The following FKBP15 variants were observed in gnomAD, a reference collection of about 807,000 sequenced individuals.
The protein encoded by FKBP15 is FKBP prolyl isomerase family member 15.
Under a neutral mutation model 158.1 loss-of-function variants are expected in FKBP15, and 106 were observed. The observed-to-expected ratio is 0.67, with a 90% CI of 0.57 to 0.79. The LOEUF (loss-of-function observed/expected upper bound fraction) is 0.79, where lower values mean the gene tolerates loss of function less well. FKBP15 is among the 30% of genes least tolerant of loss of function. The pLI, the probability that FKBP15 is intolerant of heterozygous loss-of-function variation, is 0.00. For synonymous variants in FKBP15, 547 were observed against 548.6 expected (o/e 1.00, Z 0.04); for missense variants, 1,287 against 1,479.1 (o/e 0.87, Z 2.13).
At chr9:113,166,463 T>G (rs554790704) in intron 27 of FKBP15, among the ~76,000 whole-genome samples, 2 of 152,352 alleles carry the variant, frequency 1.3e-5, no homozygotes, top group South Asian at 4.1e-4. Context: ...TTACACATTT[T>G]GTGTGGAGAA....
At chr9:113,187,692 TG>T in intron 14 of FKBP15, 100 bp downstream of exon 14, 1 of 934,654 alleles carries the variant, frequency 1.1e-6, no homozygotes, top group Non-Finnish European at 1.6e-6. Context: ...ACTCTGACTT[TG>T]GGGAACTGCT....
Position 113,161,253 on chromosome 9 carries a change from T to G in FKBP15, c.*4825A>C. On this transcript the variant is annotated 3_prime_UTR_variant, in exon 28 of 28. Transcript: ENST00000238256. ...AGATTTGTGCAGCCTGCTGGGGGAG[T>G]GGGTGGGGTAATGGTACGTGGCTTC... is the stretch of plus-strand genomic sequence containing the variant. 3 of 466,570 alleles carry G rather than the reference T, an allele frequency of 6.4e-6. No homozygotes were observed. Among genetic ancestry groups the G allele is most frequent in the Non-Finnish European group, 7.6e-6 (2 of 263,446 alleles). 28.9% of individuals were successfully genotyped at this position (466,570 alleles called of 1,614,324 possible). A position where few individuals can be genotyped will look rare whatever the true frequency, so the allele number is the denominator to read the frequency against.
At chr9:113,215,075 C>A (rs577236410) in intron 1 of FKBP15, among the ~76,000 whole-genome samples, 14 of 152,350 alleles carry the variant, frequency 9.2e-5, no homozygotes, top group African/African-American at 2.9e-4. Flanking sequence ...TCCATGTCAG[C>A]AATAAGGCTG....
chr9:113,208,419 T>G (rs1396259383), intron 2 of FKBP15, among the ~76,000 whole-genome samples: 2 of 152,200 alleles, frequency 1.3e-5, no homozygotes, highest in African/African-American at 4.8e-5. Context: ...GTAAATCACA[T>G]TTATACTCAC....
chr9:113,187,761 AG>A, intron 14 of FKBP15, 31 bp downstream of exon 14: 1 of 1,513,218 alleles, frequency 6.6e-7, no homozygotes, highest in Non-Finnish European at 9.2e-7. Flanking sequence ...AGCAAATTAT[AG>A]GATATAATTA....
chr9:113,188,156 T>G (rs1391772862), intron 13 of FKBP15, among the ~76,000 whole-genome samples: 3 of 152,054 alleles, frequency 2.0e-5, no homozygotes, highest in Non-Finnish European at 4.4e-5. Context: ...AATAGCTGAG[T>G]GCAGATTTCC....
rs372497037 is a variant in FKBP15, at chr9:113,184,794, A to G, written c.1509T>C (p.Asp503=). 1.4e-4 allele frequency: 220 copies of G among 1,596,166 alleles called. No individual in the cohort carries two copies. Among genetic ancestry groups the G allele is most frequent in the Non-Finnish European group, 1.8e-4 (216 of 1,170,868 alleles). Residue 503 remains aspartate (D), a synonymous_variant, in exon 16 of 28, where the codon GAT becomes GAC. Coordinates refer to ENST00000238256, the MANE Select transcript of FKBP15 (RefSeq NM_015258.2). This position sits in a 1 kb window ranked among gnomAD's most constrained non-coding sequence, Gnocchi z 4.5. ...CTTCAGTCATGAGAAATGAAGCCAT[A>G]TCACCTGATCCTAAACAGATACAAG... ...SQPPHFQGSG[D]MASFLMTEAR...
chr9:113,204,974 C>T (rs1212862097), intron 4 of FKBP15, among the ~76,000 whole-genome samples: 1 of 151,976 alleles, frequency 6.6e-6, no homozygotes, highest in East Asian at 1.9e-4. Flanking sequence ...TTTATTTGTT[C>T]CCTTGATTAT....
intron 3 of FKBP15, 145 bp downstream of exon 3, chr9:113,207,067 T>C: frequency 1.5e-6 from 1 of 654,322 alleles, no homozygotes. Flanking sequence ...AATCTCCAAT[T>C]CAGATGTTAA....
At chr9:113,187,640 G>C (rs1830507491) in intron 14 of FKBP15, 153 bp downstream of exon 14, 2 of 636,206 alleles carry the variant, frequency 3.1e-6, no homozygotes, top group Admixed American at 2.8e-5. Context: ...GCCTGGTTTA[G>C]AGATGAGAAA....
At position 113,182,253 on chromosome 9, in the gene FKBP15, C is replaced by T. The variant is rs945898499; in HGVS notation, c.1914+513G>A. On this transcript the variant is annotated intron_variant, in intron 19 of 27. Transcript: ENST00000238256. ...GAAGGAATCCATTCAGGATAAAGAACGTCACTGGAGCAAGGGGAGAAGCGA... is the reference window on the plus strand; with the variant it reads ...GAAGGAATCCATTCAGGATAAAGAATGTCACTGGAGCAAGGGGAGAAGCGA... Among the ~76,000 whole-genome samples, 3 of 152,124 alleles carry T rather than the reference C, an allele frequency of 2.0e-5. No homozygotes were observed. In the East Asian group the frequency reaches 5.8e-4, roughly 29 times the overall value.
chr9:113,171,829 C>T, intron 23 of FKBP15, 123 bp from the exon 24 acceptor site: 3 of 794,410 alleles, frequency 3.8e-6, no homozygotes, highest in East Asian at 6.1e-5. Flanking sequence ...AATAAAAAGA[C>T]AATTTTATTT....
chr9:113,175,671 T>C (rs1009093612), intron 21 of FKBP15, among the ~76,000 whole-genome samples: 1 of 152,082 alleles, frequency 6.6e-6, no homozygotes, highest in Non-Finnish European at 1.5e-5. Context: ...TGACAAAGGA[T>C]TGATACCCTT....
intron 27 of FKBP15, among the ~76,000 whole-genome samples, chr9:113,166,480 G>T (rs1251792285): frequency 1.3e-5 from 2 of 152,222 alleles, no homozygotes; most frequent in African/African-American, 4.8e-5. Flanking sequence ...AGAAAGAAGG[G>T]TCAAAGAGGA....
chr9:113,217,341 T>G (rs1831159957), intron 1 of FKBP15, among the ~76,000 whole-genome samples: 1 of 151,122 alleles, frequency 6.6e-6, no homozygotes, highest in South Asian at 2.1e-4. Flanking sequence ...GCCTCCCACG[T>G]AGCTGGGATT....
rs778715612 is a variant in FKBP15, at chr9:113,187,953, G to A, written c.1277-54C>T. ...TATCCACCCTTGCTTCTTGGTGTGA[G>A]TCTAGACTAGCACCTTACATACTAT... On this transcript the variant is annotated intron_variant, in intron 13 of 27. Transcript: ENST00000238256. 38 of 1,304,426 alleles carry A rather than the reference G, an allele frequency of 2.9e-5. No homozygotes were observed. The South Asian group carries it at 4.7e-4, about 16-fold the overall frequency. The allele number at this position is 1,304,426 out of a possible 1,614,324, so 80.8% of individuals were successfully genotyped here.
intron 1 of FKBP15, among the ~76,000 whole-genome samples, chr9:113,213,291 C>T (rs1264915714): frequency 2.0e-5 from 3 of 152,092 alleles, no homozygotes; most frequent in Non-Finnish European, 4.4e-5. Flanking sequence ...CACCTGTAAT[C>T]CCAGCTACTC....
At chr9:113,179,188 C>T (rs1029308248) in intron 19 of FKBP15, among the ~76,000 whole-genome samples, 1 of 152,026 alleles carries the variant, frequency 6.6e-6, no homozygotes, top group Admixed American at 6.6e-5. Flanking sequence ...AGCTACTATG[C>T]CTGTCTCTAT....
At chr9:113,221,113 G>A in intron 1 of FKBP15, 78 bp downstream of exon 1, 1 of 1,457,094 alleles carries the variant, frequency 6.9e-7, no homozygotes, top group Non-Finnish European at 9.2e-7. Flanking sequence ...AAAGGCCTGA[G>A]AAGAGATCGA....
Sources: gnomAD v4.1 joint callset for allele counts (sites outside exome capture counted in the v4.1 genomes callset) on GRCh38, gnomAD v4.1.1 for gene constraint, Gnocchi (gnomAD v3.1) non-coding constraint, MANE v1.5 for transcripts, NCBI Gene and HGNC (gene_info 2026-07-23, HGNC 2026-07-21) for gene names.